The following TBC1D14 variants were observed in gnomAD, a reference collection of about 807,000 sequenced individuals.
TBC1D14 encodes the protein TBC1 domain family, member 14.
Under a neutral mutation model 79.0 loss-of-function variants are expected in TBC1D14, and 26 were observed. The observed-to-expected ratio is 0.33, with a 90% CI of 0.24 to 0.46. The LOEUF (loss-of-function observed/expected upper bound fraction) is 0.46, where lower values mean the gene tolerates loss of function less well. TBC1D14 is among the 20% of genes least tolerant of loss of function. The pLI is 1.00. For missense variants in TBC1D14, 769 were observed against 887.6 expected (o/e 0.87, Z 1.70); for synonymous variants, 394 against 349.9 (o/e 1.13, Z -1.40).
chr4:7,005,014 A>G lies in TBC1D14; in HGVS notation c.1351+90A>G, dbSNP rs111229054. On this transcript the variant is annotated intron_variant, in intron 8 of 13. Coordinates refer to ENST00000409757, the MANE Select transcript of TBC1D14 (RefSeq NM_020773.3). Reference sequence around the variant, plus strand: ...AGTGAAGAAAGTTGACGTTAACTACAGTAGAGATTGTTGTGGAGTCATAAA... The same window carrying G: ...AGTGAAGAAAGTTGACGTTAACTACGGTAGAGATTGTTGTGGAGTCATAAA... 2.2e-3 allele frequency: 2,592 copies of G among 1,194,388 alleles called. 41 individuals are homozygous for G. In the African/African-American group the frequency reaches 0.035, roughly 16 times the overall value. 74.0% of individuals were successfully genotyped at this position (1,194,388 alleles called of 1,614,324 possible). A position where few individuals can be genotyped will look rare whatever the true frequency, so the allele number is the denominator to read the frequency against.
intron 3 of TBC1D14, among the ~76,000 whole-genome samples, chr4:6,974,070 T>G (rs1205146912): frequency 6.6e-6 from 1 of 152,146 alleles, no homozygotes; most frequent in Non-Finnish European, 1.5e-5. Flanking sequence ...GTGATCCACC[T>G]GCCTTGGCCT....
intron 1 of TBC1D14, among the ~76,000 whole-genome samples, chr4:6,916,017 T>A (rs1015236782): frequency 6.7e-6 from 1 of 150,274 alleles, no homozygotes; most frequent in Non-Finnish European, 1.5e-5. Context: ...TCCCAGCTAC[T>A]CGGGAGGCTA....
intron 2 of TBC1D14, among the ~76,000 whole-genome samples, chr4:6,955,713 G>A (rs1053328592): frequency 6.6e-6 from 1 of 152,178 alleles, no homozygotes; most frequent in African/African-American, 2.4e-5. Flanking sequence ...TGAGGGAGGG[G>A]ACTTTGGGTT....
rs138107996 is a variant in TBC1D14, at chr4:6,924,140, C to T, written c.722+29C>T. The T allele has an allele frequency of 1.6e-5, 26 of 1,588,900 alleles. No homozygotes were observed. In the East Asian group the frequency reaches 2.0e-4, roughly 12 times the overall value. ...ATGCCATCTTTGCCCTCTAGAAGAT[C>T]GTGGTGGTTGAGTCCAGACCAGTCT... On this transcript the variant is annotated intron_variant, in intron 2 of 13. Coordinates refer to ENST00000409757, the MANE Select transcript of TBC1D14 (RefSeq NM_020773.3).
intron 3 of TBC1D14, among the ~76,000 whole-genome samples, chr4:6,982,067 T>G (rs1211702079): frequency 6.6e-6 from 1 of 152,196 alleles, no homozygotes; most frequent in Non-Finnish European, 1.5e-5. Flanking sequence ...GGAAAACCAG[T>G]TGGGAGGTTT....
At chr4:7,015,466 T>C (rs1721188303) in intron 12 of TBC1D14, among the ~76,000 whole-genome samples, 1 of 152,048 alleles carries the variant, frequency 6.6e-6, no homozygotes. Flanking sequence ...ATGGGTGATT[T>C]TGAGGTGCCT....
chr4:6,923,509 C>G lies in TBC1D14; in HGVS notation c.120C>G (p.Leu40=), dbSNP rs151295415. 4.1e-5 allele frequency: 66 copies of G among 1,614,210 alleles called. No individual in the cohort carries two copies. The African/African-American group carries it at 8.4e-4, about 21-fold the overall frequency. ...ACGTCAATCTCAAGGCGCCCCGACT[C>G]CTCTCCGCGCCTGAGTACGGGCCCA... ...LQHVNLKAPR[L]LSAPEYGPKL... Residue 40 remains leucine (L), a synonymous_variant, in exon 2 of 14, where the codon CTC becomes CTG. Transcript: ENST00000409757.
At chr4:7,005,072 G>T (rs1302494163) in intron 8 of TBC1D14, 148 bp downstream of exon 8, 16 of 762,552 alleles carry the variant, frequency 2.1e-5, no homozygotes, top group African/African-American at 9.0e-5. Flanking sequence ...TTTTTGTTTT[G>T]TTTTTTTTAG....
intron 3 of TBC1D14, among the ~76,000 whole-genome samples, chr4:6,991,427 G>A (rs895076078): frequency 2.6e-5 from 4 of 152,222 alleles, no homozygotes; most frequent in Non-Finnish European, 4.4e-5. Context: ...GGGTCCCCGT[G>A]TGTGTTTGGT....
At chr4:6,921,687 T>G (rs1723874939) in intron 1 of TBC1D14, among the ~76,000 whole-genome samples, 1 of 132,348 alleles carries the variant, frequency 7.6e-6, no homozygotes. Flanking sequence ...CCACCACACC[T>G]GGCTAATTTT....
chr4:7,026,896 TAAAAAAACAAACAAACAAACA>T (rs541131077), intron 13 of TBC1D14, among the ~76,000 whole-genome samples: 1 of 151,662 alleles, frequency 6.6e-6, no homozygotes, highest in South Asian at 2.1e-4. Context: ...GACCCTGTCT[TAAAAAAACAAACAAACAAACA>T]AAAAAAACAG....
chr4:6,960,334 C>T (rs28729690), intron 2 of TBC1D14, among the ~76,000 whole-genome samples: 18,167 of 151,276 alleles, frequency 0.12, 2,002 homozygotes, highest in African/African-American at 0.3. Context: ...TCAAGTGATC[C>T]GCCCACCCCT....
At chr4:6,951,647 G>C (rs963636695) in intron 2 of TBC1D14, among the ~76,000 whole-genome samples, 2 of 151,146 alleles carry the variant, frequency 1.3e-5, no homozygotes, top group Non-Finnish European at 1.5e-5. Context: ...TGTTGAATAA[G>C]TCTGTTTCTT....
At chr4:7,011,445 AGT>A (rs1209403526) in intron 11 of TBC1D14, among the ~76,000 whole-genome samples, 4 of 152,150 alleles carry the variant, frequency 2.6e-5, no homozygotes, top group Non-Finnish European at 5.9e-5. Flanking sequence ...GCATCTGGTA[AGT>A]GGAGGAGCTG....
intron 2 of TBC1D14, among the ~76,000 whole-genome samples, chr4:6,964,482 A>G (rs979261661): frequency 1.3e-5 from 2 of 152,174 alleles, no homozygotes; most frequent in Admixed American, 6.5e-5. Flanking sequence ...AGTGAACCCA[A>G]GTTCTGGATG....
At chr4:6,943,391 C>T (rs779097998) in intron 2 of TBC1D14, among the ~76,000 whole-genome samples, 2 of 152,200 alleles carry the variant, frequency 1.3e-5, no homozygotes, top group Non-Finnish European at 2.9e-5. Context: ...TAGTTGAATA[C>T]CCCTCTCATT....
At chr4:7,026,217 A>AC (rs1261902287) in intron 13 of TBC1D14, among the ~76,000 whole-genome samples, 2 of 150,816 alleles carry the variant, frequency 1.3e-5, no homozygotes, top group Non-Finnish European at 2.9e-5. Context: ...AAAATAATGC[A>AC]CCCCCACACG....
intron 2 of TBC1D14, among the ~76,000 whole-genome samples, chr4:6,928,877 G>A (rs542032542): frequency 3.3e-5 from 5 of 152,242 alleles, no homozygotes; most frequent in South Asian, 4.2e-4. Flanking sequence ...TACATGGGAC[G>A]CACTGGGCAC....
chr4:6,988,960 T>A (rs1718194912), intron 3 of TBC1D14, among the ~76,000 whole-genome samples: 1 of 138,096 alleles, frequency 7.2e-6, no homozygotes, highest in South Asian at 2.4e-4. Flanking sequence ...TACTGCAACC[T>A]TGAACTCCTG....
Sources: allele counts gnomAD v4.1 joint callset (sites outside exome capture counted in the v4.1 genomes callset), GRCh38; gene constraint gnomAD v4.1.1; transcripts MANE v1.5; gene names NCBI Gene and HGNC (gene_info 2026-07-23, HGNC 2026-07-21).